The following FAM234B variants were observed in gnomAD, a reference collection of about 807,000 sequenced individuals.
The protein encoded by FAM234B is protein FAM234B.
Under a neutral mutation model 69.3 loss-of-function variants are expected in FAM234B, and 33 were observed. That is an observed-to-expected ratio of 0.48 (90% confidence interval 0.36 to 0.64). The LOEUF is 0.64. Among genes scored for constraint, FAM234B ranks in the 30% least tolerant of loss-of-function variants. FAM234B has a pLI of 0.00. For missense variants in FAM234B, 697 were observed against 769.7 expected (o/e 0.91, Z 1.12); for synonymous variants, 306 against 306.9 (o/e 1.00, Z 0.03).
At chr12:13,062,633 C>T in intron 4 of FAM234B, 1 of 456,954 alleles carries the variant, frequency 2.2e-6, no homozygotes, top group East Asian at 3.7e-5. Context: ...GAAATCATTG[C>T]ATGGATTTGT....
In FAM234B at chr12:13,076,159, AGCGGGAGTCTGTGTAC is replaced by A. The variant is rs1565512585; in HGVS notation, c.1642+19_1642+34del. ...GCTTCAGAGGGTGAGTCCCAGTGCCAGCGGGAGTCTGTGTACGCAGATGGTGGGAGAGTATGTGTTG... is the reference window on the plus strand; with the variant it reads ...GCTTCAGAGGGTGAGTCCCAGTGCCAGCAGATGGTGGGAGAGTATGTGTTG... On this transcript the variant is annotated intron_variant, in intron 11 of 12. Transcript: ENST00000197268. 1 of 1,561,970 alleles carries A rather than the reference AGCGGGAGTCTGTGTAC, an allele frequency of 6.4e-7. No individual in the cohort carries two copies. The highest frequency in any genetic ancestry group is 8.8e-7 in the Non-Finnish European group (1 of 1,132,562).
At chr12:13,051,838 A>C (rs1166330570) in intron 1 of FAM234B, among the ~76,000 whole-genome samples, 1 of 152,210 alleles carries the variant, frequency 6.6e-6, no homozygotes. Context: ...AGTGATGGTA[A>C]TGATAATAAT....
chr12:13,077,958 A>G (rs946300286), intron 11 of FAM234B, among the ~76,000 whole-genome samples: 1 of 151,412 alleles, frequency 6.6e-6, no homozygotes, highest in African/African-American at 2.4e-5. Context: ...AATGATTGCC[A>G]TTCTAACTGG....
Position 13,080,009 on chromosome 12 carries a change from G to T in FAM234B, c.1863G>T (p.Glu621Asp). 6.3e-7 allele frequency: 1 copy of T among 1,580,724 alleles called. No individual in the cohort carries two copies. Among genetic ancestry groups the T allele is most frequent in the South Asian group, 1.1e-5 (1 of 87,222 alleles). The change falls in exon 12 of 13, where the codon GAG becomes GAT. Residue 621 changes from glutamate (E) to aspartate (D), a missense_variant and splice_region_variant. Physicochemically the swap from Glu to Asp is conservative, Grantham distance 45 (BLOSUM62 2). Around this residue, in one of 3 missense-constraint regions of FAM234B, gnomAD observed 313 missense variants for 305.5 expected, o/e 1.02. Transcript: ENST00000197268. Reference sequence around the variant, plus strand: ...TAAAGTTTGTTGAAGCTCCCTACGAGGTGAGTGGCTGCAGAAATATTGTTC... The same window carrying T: ...TAAAGTTTGTTGAAGCTCCCTACGATGTGAGTGGCTGCAGAAATATTGTTC... ...SRIKFVEAPY[E>D]I is the part of the protein sequence containing the mutation.
At position 13,071,315 on chromosome 12, in the gene FAM234B, A is replaced by AGCC; in HGVS notation, c.1444_1446dup (p.Ala482dup). The stretch of plus-strand genomic sequence containing the variant: ...CTCCGTGTCACATGAAAGAAACGCC[A>AGCC]GCCACCTCAGCAGTTACTTCAGACC... On this transcript the variant is annotated inframe_insertion, in exon 10 of 13. Coordinates refer to ENST00000197268, the MANE Select transcript of FAM234B (RefSeq NM_020853.2). 2 of 1,614,194 alleles carry AGCC rather than the reference A, an allele frequency of 1.2e-6. No individual in the cohort carries two copies. The highest frequency in any genetic ancestry group is 3.3e-5 in the Admixed American group (2 of 60,036).
At chr12:13,073,204 A>G (rs1027193201) in intron 10 of FAM234B, among the ~76,000 whole-genome samples, 5 of 147,410 alleles carry the variant, frequency 3.4e-5, no homozygotes, top group South Asian at 2.1e-4. Flanking sequence ...TGTATTGCCC[A>G]GGCAGGCCTC....
chr12:13,048,846 A>C (rs12581404), intron 1 of FAM234B, among the ~76,000 whole-genome samples: 11,979 of 152,252 alleles, frequency 0.079, 846 homozygotes, highest in East Asian at 0.33. Context: ...ATCATGGTGG[A>C]AGGTAAAAGG....
intron 11 of FAM234B, 26 bp from the exon 12 acceptor site, chr12:13,079,763 C>G: frequency 6.8e-7 from 1 of 1,479,492 alleles, no homozygotes; most frequent in East Asian, 2.3e-5. Context: ...TCCATGTTAA[C>G]TGCTCTTGTT....
intron 5 of FAM234B, among the ~76,000 whole-genome samples, chr12:13,064,723 C>T (rs552922197): frequency 1.3e-4 from 20 of 152,248 alleles, no homozygotes; most frequent in African/African-American, 3.9e-4. Context: ...AGGTATATAG[C>T]GCAGCAGCTT....
intron 2 of FAM234B, among the ~76,000 whole-genome samples, chr12:13,056,641 C>CT (rs749376470): frequency 3.3e-5 from 5 of 152,206 alleles, no homozygotes; most frequent in Non-Finnish European, 5.9e-5. Flanking sequence ...GTTGAATTAG[C>CT]TTCTGATGAG....
At position 13,056,035 on chromosome 12, in the gene FAM234B, A is replaced by G. The variant is rs921217112; in HGVS notation, c.433+89A>G. The G allele has an allele frequency of 3.8e-6, 5 of 1,330,910 alleles. No homozygotes were observed. In the African/African-American group the frequency reaches 4.4e-5, roughly 12 times the overall value. 82.4% of individuals were successfully genotyped at this position (1,330,910 alleles called of 1,614,324 possible). A position where few individuals can be genotyped will look rare whatever the true frequency, so the allele number is the denominator to read the frequency against. On this transcript the variant is annotated intron_variant, in intron 2 of 12. Coordinates refer to ENST00000197268, the MANE Select transcript of FAM234B (RefSeq NM_020853.2). Reference sequence around the variant, plus strand: ...ATTTTCCTCCAAATCTTAAAACTTAATATGTGTCATGCGGCATTCCCCACC... The same window carrying G: ...ATTTTCCTCCAAATCTTAAAACTTAGTATGTGTCATGCGGCATTCCCCACC...
intron 2 of FAM234B, 40 bp downstream of exon 2, chr12:13,055,986 C>A: frequency 6.7e-7 from 1 of 1,488,544 alleles, no homozygotes; most frequent in South Asian, 1.4e-5. Flanking sequence ...TGTGAAACTT[C>A]ATGCTATGTC....
Position 13,062,896 on chromosome 12 carries a change from C to G in FAM234B, c.773C>G (p.Ala258Gly), listed in dbSNP as rs1473948228. 1 of 1,614,070 alleles carries G rather than the reference C, an allele frequency of 6.2e-7. No homozygotes were observed. The highest frequency in any genetic ancestry group is 1.7e-5 in the Admixed American group (1 of 60,026). Residue 258 changes from alanine (A) to glycine (G), a missense_variant, in exon 5 of 13, where the codon GCT (alanine) becomes GGT (glycine). Transcript: ENST00000197268. ...AACTACTTGTCCAACGGTACCTTGGCTGCCCCAGTTGTGGTACTGCCAGAC... is the reference window on the plus strand; with the variant it reads ...AACTACTTGTCCAACGGTACCTTGGGTGCCCCAGTTGTGGTACTGCCAGAC... Reference protein sequence around the residue: ...NPNYLSNGTLAAPVVVLPDLD... With the variant: ...NPNYLSNGTLGAPVVVLPDLD...
chr12:13,066,522 T>C (rs1417363216), intron 5 of FAM234B, 118 bp from the exon 6 acceptor site: 3 of 1,148,212 alleles, frequency 2.6e-6, no homozygotes, highest in Non-Finnish European at 3.6e-6. Context: ...GCTTTCCAAC[T>C]TGGGGGAGTG....
chr12:13,066,260 A>G (rs1176923803), intron 5 of FAM234B, among the ~76,000 whole-genome samples: 4 of 152,154 alleles, frequency 2.6e-5, no homozygotes, highest in African/African-American at 9.7e-5. Context: ...GCCTCGATTA[A>G]CTCTAGCTGG....
Position 13,080,778 on chromosome 12 carries a change from G to C in FAM234B, c.*148G>C. On this transcript the variant is annotated 3_prime_UTR_variant, in exon 13 of 13. Transcript: ENST00000197268. Reference sequence around the variant, plus strand: ...TGGTTGCAAAGGCTTGGGAAGGCATGTTGGAGTCTTTGACGGCAGCATGAT... The same window carrying C: ...TGGTTGCAAAGGCTTGGGAAGGCATCTTGGAGTCTTTGACGGCAGCATGAT... 1.6e-6 allele frequency: 1 copy of C among 639,158 alleles called. No homozygotes were observed. 39.6% of individuals were successfully genotyped at this position (639,158 alleles called of 1,614,324 possible). A position where few individuals can be genotyped will look rare whatever the true frequency, so the allele number is the denominator to read the frequency against.
intron 1 of FAM234B, among the ~76,000 whole-genome samples, chr12:13,045,198 C>G (rs572841248): frequency 3.3e-5 from 5 of 150,134 alleles, no homozygotes; most frequent in African/African-American, 1.2e-4. Context: ...GTACTTCGGG[C>G]AGCAGCTCCA....
chr12:13,058,587 A>G (rs1222827233), intron 3 of FAM234B, 38 bp downstream of exon 3: 1 of 1,530,588 alleles, frequency 6.5e-7, no homozygotes, highest in East Asian at 2.2e-5. Flanking sequence ...CTACAGGGGC[A>G]CTGTCAGCTA....
At chr12:13,068,593 G>A (rs1454386637) in intron 8 of FAM234B, 37 bp from the exon 9 acceptor site, 1 of 1,590,952 alleles carries the variant, frequency 6.3e-7, no homozygotes, top group African/African-American at 1.3e-5. Context: ...TGTTTTTCTT[G>A]TTCACTATTG....
Sources: allele counts gnomAD v4.1 joint callset (sites outside exome capture counted in the v4.1 genomes callset), GRCh38; gene constraint gnomAD v4.1.1; regional missense constraint gnomAD v4.1.1; transcripts MANE v1.5; gene names NCBI Gene and HGNC (gene_info 2026-07-23, HGNC 2026-07-21).